The following TCEA3 variants were observed in gnomAD, a reference collection of about 807,000 sequenced individuals.
TCEA3 encodes the protein transcription elongation factor A protein 3.
Under a neutral mutation model 44.0 loss-of-function variants are expected in TCEA3, and 36 were observed. That is an observed-to-expected ratio of 0.82 (90% CI 0.63 to 1.08). The LOEUF is 1.08. Among genes scored for constraint, TCEA3 ranks in the 50% least tolerant of loss-of-function variants. The probability of loss-of-function intolerance (pLI) is 0.00; values close to 1 mark genes in which losing one functional copy is unlikely to be tolerated. For synonymous variants in TCEA3, 162 were observed against 159.7 expected (o/e 1.01, Z -0.11); for missense variants, 392 against 441.2 (o/e 0.89, Z 1.00).
intron 1 of TCEA3, among the ~76,000 whole-genome samples, chr1:23,422,032 C>T (rs1269765140): frequency 6.6e-6 from 1 of 152,166 alleles, no homozygotes; most frequent in Non-Finnish European, 1.5e-5. Flanking sequence ...GTTCTGTAGC[C>T]AGTAGTATCT....
rs183340907 is a variant in TCEA3, at chr1:23,398,370, T to C, written c.444-415A>G. On this transcript the variant is annotated intron_variant, in intron 5 of 10. Coordinates refer to ENST00000450454, the MANE Select transcript of TCEA3 (RefSeq NM_003196.3). ...GGCACTGTGCTAGCTGCTCTCTATC[T>C]ATGCTCTCCTAAATGTATGAACTGT... Among the ~76,000 whole-genome samples the C allele has an allele frequency of 1.4e-3, 208 of 152,352 alleles. 1 individual carries two copies. Among genetic ancestry groups the C allele is most frequent in the East Asian group, 8.1e-3 (42 of 5,190 alleles).
At position 23,419,073 on chromosome 1, in the gene TCEA3, C is replaced by A; in HGVS notation, c.132+4G>T. On this transcript the variant is annotated splice_donor_region_variant and intron_variant, in intron 2 of 10. Coordinates refer to ENST00000450454, the MANE Select transcript of TCEA3 (RefSeq NM_003196.3). Reference sequence around the variant, plus strand: ...TGTCCCAAGGCTTCCCACCCCCGCCCCACCTGTAGTAGCTGGATGGACATC... The same window carrying A: ...TGTCCCAAGGCTTCCCACCCCCGCCACACCTGTAGTAGCTGGATGGACATC... 6.3e-7 allele frequency: 1 copy of A among 1,577,086 alleles called. No homozygotes were observed. Among genetic ancestry groups the A allele is most frequent in the Non-Finnish European group, 8.6e-7 (1 of 1,159,994 alleles).
intron 9 of TCEA3, among the ~76,000 whole-genome samples, chr1:23,387,070 C>T (rs1638865120): frequency 6.6e-6 from 1 of 152,146 alleles, no homozygotes; most frequent in Non-Finnish European, 1.5e-5. Flanking sequence ...CCAGGCTGGT[C>T]TCAAACTCCT....
At chr1:23,383,328 T>A in intron 10 of TCEA3, 3 of 673,970 alleles carry the variant, frequency 4.5e-6, no homozygotes, top group Non-Finnish European at 5.5e-6. Context: ...AGTCGGAGCA[T>A]CGGCTTTCAG....
chr1:23,417,761 G>T, intron 3 of TCEA3, 143 bp downstream of exon 3: 1 of 759,064 alleles, frequency 1.3e-6, no homozygotes. Context: ...TCCCCCACTA[G>T]CTACCTCCCG....
At chr1:23,400,191 TG>T (rs1429795493) in intron 5 of TCEA3, among the ~76,000 whole-genome samples, 4 of 152,190 alleles carry the variant, frequency 2.6e-5, no homozygotes, top group Non-Finnish European at 5.9e-5. Context: ...TTATTCTTTT[TG>T]GTAACCCTAA....
intron 7 of TCEA3, among the ~76,000 whole-genome samples, chr1:23,397,005 CAAAAA>C (rs34931042): frequency 4.7e-4 from 32 of 68,390 alleles, no homozygotes; most frequent in African/African-American, 1.1e-3. Context: ...AACTCCGTCT[CAAAAA>C]AAAAAAAAAA....
chr1:23,383,978 A>G, intron 10 of TCEA3: 1 of 1,090,380 alleles, frequency 9.2e-7, no homozygotes, highest in Non-Finnish European at 1.1e-6. Context: ...TTCAAAGGAA[A>G]TACCATCTGT....
At chr1:23,408,777 C>A (rs1460076675) in intron 4 of TCEA3, 51 bp from the exon 5 acceptor site, 31 of 1,516,752 alleles carry the variant, frequency 2.0e-5, no homozygotes, top group African/African-American at 2.8e-5. Context: ...AGCATCAGTA[C>A]TGACAGGAAG....
Position 23,383,009 on chromosome 1 carries a change from G to A in TCEA3, c.1038+1337C>T, listed in dbSNP as rs145057157. On this transcript the variant is annotated intron_variant, in intron 10 of 10. Transcript: ENST00000450454. Reference sequence around the variant, plus strand: ...GAAAAATAATTAGAGGCCGGGCGCGGCGGCTCACGCCTGTAATCCCAGCAC... The same window carrying A: ...GAAAAATAATTAGAGGCCGGGCGCGACGGCTCACGCCTGTAATCCCAGCAC... Among the ~76,000 whole-genome samples, 263 of 152,354 alleles carry A rather than the reference G, an allele frequency of 1.7e-3. 1 individual carries two copies. The highest frequency in any genetic ancestry group is 6.1e-3 in the African/African-American group (253 of 41,576).
At chr1:23,384,652 TG>T (rs1319944252) in intron 9 of TCEA3, among the ~76,000 whole-genome samples, 2 of 150,280 alleles carry the variant, frequency 1.3e-5, no homozygotes, top group African/African-American at 4.9e-5. Flanking sequence ...CCTGGCCTTT[TG>T]CACTTCCGCT....
At position 23,404,843 on chromosome 1, in the gene TCEA3, G is replaced by A. The variant is rs188154487; in HGVS notation, c.443+3821C>T. ...TAGCTGGGTGTGGTGGTGTGCACCT[G>A]TGGTCCTAGCTACACGGGAGGCTGG... On this transcript the variant is annotated intron_variant, in intron 5 of 10. Coordinates refer to ENST00000450454, the MANE Select transcript of TCEA3 (RefSeq NM_003196.3). Among the ~76,000 whole-genome samples, 15 of 152,204 alleles carry A rather than the reference G, an allele frequency of 9.9e-5. No homozygotes were observed. In the East Asian group the frequency reaches 2.9e-3, roughly 29 times the overall value.
intron 5 of TCEA3, among the ~76,000 whole-genome samples, chr1:23,407,522 C>G (rs1431369092): frequency 6.6e-6 from 1 of 152,136 alleles, no homozygotes; most frequent in African/African-American, 2.4e-5. Context: ...ACACCCCCAC[C>G]TCAGGGCACT....
intron 1 of TCEA3, among the ~76,000 whole-genome samples, chr1:23,422,552 C>T (rs961389371): frequency 6.6e-6 from 1 of 152,134 alleles, no homozygotes; most frequent in Non-Finnish European, 1.5e-5. Context: ...CTCTGCCTAA[C>T]CACTGCTGGG....
chr1:23,394,226 G>A (rs1202847973), intron 7 of TCEA3, among the ~76,000 whole-genome samples, 193 bp from the exon 8 acceptor site: 1 of 152,198 alleles, frequency 6.6e-6, no homozygotes, highest in East Asian at 1.9e-4. Context: ...CCAAGTAGCA[G>A]AGAAAGAAAA....
chr1:23,401,835 G>T (rs1404281142), intron 5 of TCEA3, among the ~76,000 whole-genome samples: 1 of 152,090 alleles, frequency 6.6e-6, no homozygotes, highest in Admixed American at 6.5e-5. Context: ...TCAGGAGGTG[G>T]GCCCTGTTGT....
In TCEA3 at chr1:23,394,442, A is replaced by C. The variant is rs373986938; in HGVS notation, c.665-409T>G. The stretch of plus-strand genomic sequence containing the variant: ...GTGTCTGGGATATATCAAATGCTCA[A>C]CATGTATGGGCTGCTAAGATGATGA... On this transcript the variant is annotated intron_variant, in intron 7 of 10. Coordinates refer to ENST00000450454, the MANE Select transcript of TCEA3 (RefSeq NM_003196.3). Among the ~76,000 whole-genome samples the C allele has an allele frequency of 3.3e-5, 5 of 152,292 alleles. No individual in the cohort carries two copies. In the East Asian group the frequency reaches 9.6e-4, roughly 29 times the overall value.
At chr1:23,418,115 C>G in intron 2 of TCEA3, 106 bp from the exon 3 acceptor site, 1 of 1,115,890 alleles carries the variant, frequency 9.0e-7, no homozygotes, top group Non-Finnish European at 1.3e-6. Context: ...CCCTTCCAAC[C>G]TGGACCCCCA....
intron 1 of TCEA3, among the ~76,000 whole-genome samples, chr1:23,420,367 G>A (rs1227854972): frequency 4.6e-5 from 7 of 152,110 alleles, no homozygotes; most frequent in Non-Finnish European, 8.8e-5. Context: ...TCAGCCTCCC[G>A]AATAGCTGGG....
Sources: allele counts gnomAD v4.1 joint callset (sites outside exome capture counted in the v4.1 genomes callset), GRCh38; gene constraint gnomAD v4.1.1; transcripts MANE v1.5; gene names NCBI Gene and HGNC (gene_info 2026-07-23, HGNC 2026-07-21).